The following MCM9 variants were observed in gnomAD, a reference collection of about 807,000 sequenced individuals.
MCM9 encodes minichromosome maintenance 9 homologous recombination repair factor.
Under a neutral mutation model 72.8 loss-of-function variants are expected in MCM9, and 55 were observed. The ratio of observed to expected loss-of-function variants is 0.76; its 90% CI spans 0.61 to 0.95. The LOEUF is 0.95. Ranked by LOEUF, MCM9 falls within the 40% of genes least tolerant of loss-of-function variation. The pLI is 0.00. For synonymous variants in MCM9, 480 were observed against 503.4 expected, an observed-to-expected ratio of 0.95 and a Z score of 0.62; for missense variants, 1,279 against 1,377.0, an observed-to-expected ratio of 0.93 and a Z score of 1.13.
chr6:118,904,423 G>A (rs577348531), intron 8 of MCM9, among the ~76,000 whole-genome samples: 1 of 152,298 alleles, frequency 6.6e-6, no homozygotes, highest in South Asian at 2.1e-4. Context: ...ATTCCTTGGT[G>A]CCCTGGCAAC....
At chr6:118,816,592 T>G (rs1232837069) in intron 13 of MCM9, among the ~76,000 whole-genome samples, 4 of 150,224 alleles carry the variant, frequency 2.7e-5, no homozygotes, top group African/African-American at 1.0e-4. Flanking sequence ...TTCATTCATT[T>G]AAGATTGTTT....
chr6:118,865,777 A>T (rs1242340683), intron 8 of MCM9, among the ~76,000 whole-genome samples: 2 of 152,338 alleles, frequency 1.3e-5, no homozygotes, highest in East Asian at 3.9e-4. Flanking sequence ...CTTCCACCCA[A>T]GGTAATGTCT....
At chr6:118,836,208 G>A (rs1480858951) in intron 9 of MCM9, among the ~76,000 whole-genome samples, 3 of 152,154 alleles carry the variant, frequency 2.0e-5, no homozygotes, top group African/African-American at 7.2e-5. Context: ...CAACTTGATC[G>A]TGGTGGACAG....
chr6:118,828,680 C>T lies in MCM9; in HGVS notation c.1528+368G>A, dbSNP rs573170357. On this transcript the variant is annotated intron_variant, in intron 10 of 13. Transcript: ENST00000619706. ...GATTACAGGCGTGAGCCACCACGCC[C>T]GGCCTGAGTAAATCTGATTTAAAGA... 9.9e-5 allele frequency among the ~76,000 whole-genome samples: 15 copies of T among 152,254 alleles called. No individual in the cohort carries two copies. The South Asian group carries it at 2.1e-3, about 21-fold the overall frequency.
chr6:118,889,060 T>G (rs1778785384), intron 8 of MCM9, among the ~76,000 whole-genome samples: 1 of 152,170 alleles, frequency 6.6e-6, no homozygotes, highest in South Asian at 2.1e-4. Flanking sequence ...TTCAAATGAG[T>G]GAATTACATG....
rs761550792 is a variant in MCM9, at chr6:118,815,078, T to C, written c.3178A>G (p.Asn1060Asp). The C allele has an allele frequency of 7.7e-6, 12 of 1,550,708 alleles. No individual in the cohort carries two copies. Among genetic ancestry groups the C allele is most frequent in the Non-Finnish European group, 5.2e-6 (6 of 1,147,010 alleles). ...TCCGATGGGGGAGTAAAGCAGAAGT[T>C]TGCCAATCTGGCTAATGTGCAGGCA... ...VHACTLARLA[N>D]FCFTPPSESK... Residue 1060 changes from asparagine to aspartate, a missense_variant, in exon 14 of 14, where the codon AAC (asparagine) becomes GAC (aspartate). Physicochemically the swap from Asn to Asp is conservative, Grantham distance 23 (BLOSUM62 1). Coordinates refer to ENST00000619706, the MANE Select transcript of MCM9 (RefSeq NM_017696.3).
intron 8 of MCM9, among the ~76,000 whole-genome samples, chr6:118,876,223 AAGGGAAAG>A (rs200013361): frequency 0.064 from 9,746 of 152,234 alleles, 439 homozygotes; most frequent in East Asian, 0.19. Context: ...CCAGGGGTTG[AAGGGAAAG>A]AGGGATGAGG....
At chr6:118,823,449 C>A (rs1022019204) in intron 13 of MCM9, among the ~76,000 whole-genome samples, 1 of 152,146 alleles carries the variant, frequency 6.6e-6, no homozygotes, top group Non-Finnish European at 1.5e-5. Context: ...AGTCCCAATG[C>A]GATGAACTGG....
At chr6:118,890,562 T>C (rs1256251333) in intron 8 of MCM9, among the ~76,000 whole-genome samples, 1 of 152,242 alleles carries the variant, frequency 6.6e-6, no homozygotes, top group Non-Finnish European at 1.5e-5. Flanking sequence ...AACCATAAGG[T>C]CTTTGTATGT....
At chr6:118,917,175 A>T (rs17080698) in intron 6 of MCM9, among the ~76,000 whole-genome samples, 3,002 of 152,324 alleles carry the variant, frequency 0.02, 108 homozygotes, top group African/African-American at 0.069. Context: ...AAAATAGTGT[A>T]GAGTTAGATC....
At chr6:118,853,950 G>A (rs918080730) in intron 9 of MCM9, among the ~76,000 whole-genome samples, 1 of 152,058 alleles carries the variant, frequency 6.6e-6, no homozygotes, top group Non-Finnish European at 1.5e-5. Flanking sequence ...AGTTTTTAAT[G>A]TATAAATGTA....
chr6:118,857,161 G>T (rs1776612564), intron 8 of MCM9, among the ~76,000 whole-genome samples: 1 of 152,190 alleles, frequency 6.6e-6, no homozygotes, highest in African/African-American at 2.4e-5. Flanking sequence ...GGGGCAAACA[G>T]ATCTCCAGAG....
intron 12 of MCM9, 132 bp downstream of exon 12, chr6:118,826,650 T>C: frequency 1.5e-6 from 1 of 688,048 alleles, no homozygotes; most frequent in East Asian, 2.8e-5. Context: ...TACCTTTGGA[T>C]ATATTTCCAG....
At chr6:118,861,728 C>T (rs1776918370) in intron 8 of MCM9, among the ~76,000 whole-genome samples, 1 of 152,172 alleles carries the variant, frequency 6.6e-6, no homozygotes, top group South Asian at 2.1e-4. Flanking sequence ...TGCATGCTGA[C>T]TGGTCCACGG....
At chr6:118,903,335 T>C (rs1171861720) in intron 8 of MCM9, among the ~76,000 whole-genome samples, 1 of 152,196 alleles carries the variant, frequency 6.6e-6, no homozygotes, top group Non-Finnish European at 1.5e-5. Context: ...AGGACAAGGC[T>C]GGCTGTCCCC....
intron 8 of MCM9, among the ~76,000 whole-genome samples, chr6:118,901,463 T>C (rs1779794089): frequency 1.3e-5 from 2 of 152,194 alleles, no homozygotes; most frequent in Admixed American, 6.5e-5. Context: ...CATTATCTTA[T>C]AAGAGGACTA....
At chr6:118,845,228 C>T (rs995343639) in intron 9 of MCM9, among the ~76,000 whole-genome samples, 2 of 151,800 alleles carry the variant, frequency 1.3e-5, no homozygotes, top group South Asian at 2.1e-4. Flanking sequence ...GTCATAATAA[C>T]GAAGAGAATA....
intron 13 of MCM9, among the ~76,000 whole-genome samples, chr6:118,822,292 G>A (rs941373780): frequency 5.3e-5 from 8 of 152,156 alleles, no homozygotes; most frequent in African/African-American, 1.2e-4. Flanking sequence ...ATGACCTTAG[G>A]ATGGGGTTTT....
chr6:118,920,223 T>C (rs1470280067), intron 5 of MCM9: 1 of 152,216 alleles, frequency 6.6e-6, no homozygotes, highest in Admixed American at 6.5e-5. Flanking sequence ...GCAAGGTATT[T>C]TGACATATTC....
Sources: allele counts gnomAD v4.1 joint callset (sites outside exome capture counted in the v4.1 genomes callset), GRCh38; gene constraint gnomAD v4.1.1; transcripts MANE v1.5; gene names NCBI Gene and HGNC (gene_info 2026-07-23, HGNC 2026-07-21).